RFC3: variants seen among roughly 807,000 people sequenced by gnomAD.
The protein encoded by RFC3 is A1 38 kDa subunit.
A neutral mutation model predicts 45.1 loss-of-function variants in RFC3; 41 were observed. The observed-to-expected ratio is 0.91, with a 90% CI of 0.71 to 1.18. The LOEUF is 1.18. RFC3 is among the 50% of genes most tolerant of loss of function. RFC3 has a pLI of 0.00. For synonymous variants in RFC3, 149 were observed against 144.0 expected, an observed-to-expected ratio of 1.03 and a Z score of -0.25; for missense variants, 423 against 428.1, an observed-to-expected ratio of 0.99 and a Z score of 0.10.
At chr13:33,831,220 C>G (rs2082100285) in intron 6 of RFC3, 36 bp from the exon 7 acceptor site, 5 of 1,297,316 alleles carry the variant, frequency 3.9e-6, no homozygotes, top group Non-Finnish European at 3.4e-6. Flanking sequence ...AAGCACACTT[C>G]TGTTTAACTT....
intron 8 of RFC3, among the ~76,000 whole-genome samples, chr13:33,920,876 T>G (rs1055860025): frequency 3.9e-5 from 6 of 152,144 alleles, no homozygotes; most frequent in African/African-American, 1.4e-4. Context: ...AAATCTTCCC[T>G]ACTACATAGT....
At chr13:33,956,286 A>G (rs962552643) in intron 8 of RFC3, among the ~76,000 whole-genome samples, 2 of 152,222 alleles carry the variant, frequency 1.3e-5, no homozygotes, top group African/African-American at 2.4e-5. Context: ...TGGATTGGAA[A>G]TTAGTGGTTG....
At chr13:33,820,186 C>T (rs2081989096) in intron 1 of RFC3, among the ~76,000 whole-genome samples, 1 of 152,176 alleles carries the variant, frequency 6.6e-6, no homozygotes, top group African/African-American at 2.4e-5. Flanking sequence ...ATCAGAAACA[C>T]CCGAAAAGCT....
intron 8 of RFC3, among the ~76,000 whole-genome samples, chr13:33,835,728 G>A (rs748416786): frequency 6.6e-6 from 1 of 152,148 alleles, no homozygotes; most frequent in Non-Finnish European, 1.5e-5. Flanking sequence ...ATGGATGAAT[G>A]GTTTTCTGTT....
chr13:33,877,782 G>T (rs1323864250), intron 8 of RFC3, among the ~76,000 whole-genome samples: 1 of 147,858 alleles, frequency 6.8e-6, no homozygotes, highest in East Asian at 1.9e-4. Context: ...AAATGAAAAG[G>T]TTTTATTATT....
At chr13:33,919,240 G>C (rs1374240967) in intron 8 of RFC3, among the ~76,000 whole-genome samples, 1 of 151,868 alleles carries the variant, frequency 6.6e-6, no homozygotes, top group African/African-American at 2.4e-5. Flanking sequence ...ATTTCTAATT[G>C]GTAGAAATAA....
intron 8 of RFC3, among the ~76,000 whole-genome samples, chr13:33,875,331 T>C (rs2137578945): frequency 6.6e-6 from 1 of 152,196 alleles, no homozygotes; most frequent in South Asian, 2.1e-4. Flanking sequence ...AGAGAACTCA[T>C]GGAAGATTCC....
chr13:33,886,301 C>A (rs773241731), intron 8 of RFC3, among the ~76,000 whole-genome samples: 1 of 152,076 alleles, frequency 6.6e-6, no homozygotes, highest in Non-Finnish European at 1.5e-5. Context: ...AATCCCAGCA[C>A]TTTGGGAGGC....
intron 8 of RFC3, among the ~76,000 whole-genome samples, chr13:33,885,610 G>A (rs1007459690): frequency 6.6e-6 from 1 of 152,152 alleles, no homozygotes; most frequent in Non-Finnish European, 1.5e-5. Context: ...GATCTCAGAG[G>A]TGTCTTGATA....
chr13:33,930,084 A>G (rs956655918), intron 8 of RFC3, among the ~76,000 whole-genome samples: 4 of 152,144 alleles, frequency 2.6e-5, no homozygotes. Flanking sequence ...TTATTACTAA[A>G]GAGACTTAAT....
rs146143138 is a variant in RFC3, at chr13:33,820,507, G to A, written c.88-625G>A. Among the ~76,000 whole-genome samples the A allele has an allele frequency of 2.0e-5, 3 of 152,254 alleles. No homozygotes were observed. The East Asian group carries it at 5.8e-4, about 29-fold the overall frequency. On this transcript the variant is annotated intron_variant, in intron 1 of 8. Coordinates refer to ENST00000380071, the MANE Select transcript of RFC3 (RefSeq NM_002915.4). ...TTGGCTTTAAGAGTTTCCCTAGCAGGATCAAACACAGATACCTAGAGCCAT... is the reference window on the plus strand; with the variant it reads ...TTGGCTTTAAGAGTTTCCCTAGCAGAATCAAACACAGATACCTAGAGCCAT...
chr13:33,913,233 G>A (rs980244622), intron 8 of RFC3, among the ~76,000 whole-genome samples: 5 of 152,084 alleles, frequency 3.3e-5, no homozygotes, highest in Non-Finnish European at 7.4e-5. Flanking sequence ...TAGGAGCTGG[G>A]TGGTTTCTCA....
At chr13:33,866,302 A>T (rs995142918) in intron 8 of RFC3, among the ~76,000 whole-genome samples, 1 of 152,238 alleles carries the variant, frequency 6.6e-6, no homozygotes, top group Non-Finnish European at 1.5e-5. Flanking sequence ...CAATGGTCTC[A>T]TAAACTCAAT....
At chr13:33,889,071 A>ACAAGAT (rs1358931425) in intron 8 of RFC3, among the ~76,000 whole-genome samples, 5 of 152,322 alleles carry the variant, frequency 3.3e-5, no homozygotes, top group Non-Finnish European at 4.4e-5. Flanking sequence ...AATTTGTATT[A>ACAAGAT]CAAGATCATA....
At chr13:33,953,726 G>C (rs1465993492) in intron 8 of RFC3, among the ~76,000 whole-genome samples, 1 of 152,050 alleles carries the variant, frequency 6.6e-6, no homozygotes, top group Non-Finnish European at 1.5e-5. Context: ...TATATTTCCA[G>C]ACGTTTTTGG....
At chr13:33,825,102 G>A (rs1256046167) in intron 3 of RFC3, among the ~76,000 whole-genome samples, 4 of 152,128 alleles carry the variant, frequency 2.6e-5, no homozygotes, top group East Asian at 1.9e-4. Context: ...AGAATAAGCC[G>A]ATTGCTTTTG....
intron 8 of RFC3, among the ~76,000 whole-genome samples, chr13:33,958,844 A>T (rs1338769515): frequency 1.3e-5 from 2 of 152,054 alleles, no homozygotes; most frequent in African/African-American, 4.8e-5. Context: ...GGCACTTCCC[A>T]TTTGCCTCCA....
intron 8 of RFC3, among the ~76,000 whole-genome samples, chr13:33,896,361 C>G (rs1483511214): frequency 2.6e-5 from 4 of 151,620 alleles, no homozygotes; most frequent in Non-Finnish European, 4.4e-5. Flanking sequence ...AAGATTATCC[C>G]CAGGGCATAT....
intron 8 of RFC3, among the ~76,000 whole-genome samples, chr13:33,897,174 A>AT (rs1365683550): frequency 2.0e-5 from 3 of 152,254 alleles, no homozygotes; most frequent in Non-Finnish European, 4.4e-5. Flanking sequence ...AAAGACAAAT[A>AT]TATCAAAAAC....
Sources: allele counts gnomAD v4.1 joint callset (sites outside exome capture counted in the v4.1 genomes callset), GRCh38; gene constraint gnomAD v4.1.1; transcripts MANE v1.5; gene names NCBI Gene and HGNC (gene_info 2026-07-23, HGNC 2026-07-21).